Variants in SAMTOR observed in about 807,000 individuals in gnomAD.
SAMTOR encodes the protein S-adenosylmethionine sensor upstream of mTORC1, also known as UPF0532 protein C7orf60.
the SAMTOR span, among the ~76,000 whole-genome samples, chr7:112,830,251 C>T: frequency 6.6e-6 from 1 of 152,046 alleles, no homozygotes; most frequent in Non-Finnish European, 1.5e-5. Context: ...ACCTGATGTG[C>T]AGTGTCAAAA....
chr7:112,877,692 G>C, the SAMTOR span, among the ~76,000 whole-genome samples: 1 of 152,116 alleles, frequency 6.6e-6, no homozygotes, highest in Non-Finnish European at 1.5e-5. Context: ...CAATGCTGGA[G>C]GTGGGGCCTG....
chr7:112,828,871 T>C, the SAMTOR span, among the ~76,000 whole-genome samples: 1 of 152,184 alleles, frequency 6.6e-6, no homozygotes, highest in Non-Finnish European at 1.5e-5. Flanking sequence ...TTTGGCTGGG[T>C]ATAAAATTCT....
chr7:112,934,984 G>C, the SAMTOR span, among the ~76,000 whole-genome samples: 2 of 152,084 alleles, frequency 1.3e-5, no homozygotes, highest in African/African-American at 4.8e-5. Flanking sequence ...TACTATTACT[G>C]ATTACTGAAC....
the SAMTOR span, among the ~76,000 whole-genome samples, chr7:112,874,992 G>A: frequency 6.6e-6 from 1 of 152,070 alleles, no homozygotes; most frequent in Non-Finnish European, 1.5e-5. Flanking sequence ...AGTGCTAAGC[G>A]CTTAGACTAA....
chr7:112,872,556 A>G, the SAMTOR span, among the ~76,000 whole-genome samples: 1 of 152,296 alleles, frequency 6.6e-6, no homozygotes, highest in Admixed American at 6.5e-5. Context: ...TAAGAATTGC[A>G]ACAAGACAAA....
At chr7:112,907,842 C>CTTATTTATTTAT in the SAMTOR span, among the ~76,000 whole-genome samples, 1,861 of 146,422 alleles carry the variant, frequency 0.013, 18 homozygotes, top group African/African-American at 0.025. Flanking sequence ...TTCTTACTTA[C>CTTATTTATTTAT]TTATTTATTT....
the SAMTOR span, among the ~76,000 whole-genome samples, chr7:112,934,955 A>C: frequency 2.8e-4 from 43 of 152,300 alleles, no homozygotes; most frequent in Admixed American, 3.9e-4. Flanking sequence ...CTGACTATAT[A>C]AATGGTCCCT....
At chr7:112,832,647 ATC>A in the SAMTOR span, 1 of 1,612,736 alleles carries the variant, frequency 6.2e-7, no homozygotes, top group Non-Finnish European at 8.5e-7. Flanking sequence ...ACATCAAGTA[ATC>A]TGATTTTTCC....
chr7:112,923,807 T>C, the SAMTOR span, among the ~76,000 whole-genome samples: 3 of 151,976 alleles, frequency 2.0e-5, no homozygotes, highest in East Asian at 1.9e-4. Context: ...TGTCCAACAA[T>C]GACAGACTGG....
chr7:112,922,140 T>C, the SAMTOR span, among the ~76,000 whole-genome samples: 1 of 152,140 alleles, frequency 6.6e-6, no homozygotes, highest in African/African-American at 2.4e-5. Context: ...ATTTTTTTGG[T>C]GGAGACGGGG....
At chr7:112,848,088 G>A in the SAMTOR span, among the ~76,000 whole-genome samples, 1 of 152,162 alleles carries the variant, frequency 6.6e-6, no homozygotes, top group Non-Finnish European at 1.5e-5. Context: ...AGGAATTAGA[G>A]GCTATACTGA....
chr7:112,832,153 G>A, the SAMTOR span, among the ~76,000 whole-genome samples: 1 of 151,680 alleles, frequency 6.6e-6, no homozygotes, highest in African/African-American at 2.4e-5. Context: ...CTGGGATTAT[G>A]GGCGCTTGCC....
chr7:112,932,417 AT>A, the SAMTOR span, among the ~76,000 whole-genome samples: 1 of 152,254 alleles, frequency 6.6e-6, no homozygotes, highest in African/African-American at 2.4e-5. Context: ...AATATACTCA[AT>A]TTAAGAAGAC....
chr7:112,846,142 C>T, the SAMTOR span, among the ~76,000 whole-genome samples: 1 of 97,482 alleles, frequency 1.0e-5, no homozygotes, highest in African/African-American at 5.2e-5. Context: ...ACAATCTGTA[C>T]AACTTTTTTT....
At chr7:112,885,247 A>C in the SAMTOR span, among the ~76,000 whole-genome samples, 1 of 152,160 alleles carries the variant, frequency 6.6e-6, no homozygotes, top group South Asian at 2.1e-4. Context: ...GCTGCTGTGA[A>C]GATCTCTGAT....
the SAMTOR span, among the ~76,000 whole-genome samples, chr7:112,933,066 C>G: frequency 6.6e-6 from 1 of 152,134 alleles, no homozygotes; most frequent in Non-Finnish European, 1.5e-5. Context: ...AGGAGCCATC[C>G]AATCCTTAAT....
At chr7:112,912,267 T>C in the SAMTOR span, among the ~76,000 whole-genome samples, 5 of 152,152 alleles carry the variant, frequency 3.3e-5, no homozygotes, top group African/African-American at 1.2e-4. Context: ...GTGTTTATAG[T>C]ATATATTTCT....
the SAMTOR span, chr7:112,939,838 G>C: frequency 1.4e-5 from 15 of 1,063,986 alleles, no homozygotes; most frequent in Non-Finnish European, 1.7e-5. Context: ...GGGAGCTGCG[G>C]AGGCAGCAGC....
the SAMTOR span, among the ~76,000 whole-genome samples, chr7:112,852,011 C>T: frequency 6.6e-6 from 1 of 152,036 alleles, no homozygotes. Flanking sequence ...AGGATTCCCA[C>T]CACACAATTG....
Sources: allele counts gnomAD v4.1 joint callset (sites outside exome capture counted in the v4.1 genomes callset), GRCh38; gene constraint gnomAD v4.1.1; transcripts MANE v1.5; gene names NCBI Gene and HGNC (gene_info 2026-07-23, HGNC 2026-07-21).